The following IRAK3 variants were observed in gnomAD, a reference collection of about 807,000 sequenced individuals.
IRAK3 encodes interleukin 1 receptor associated kinase 3, also known as interleukin-1 receptor-associated kinase 3.
A neutral mutation model predicts 56.6 loss-of-function variants in IRAK3; 57 were observed. The observed-to-expected ratio is 1.01, with a 90% CI of 0.81 to 1.26. IRAK3 has a LOEUF of 1.26. Ranked by LOEUF, IRAK3 falls within the 50% of genes most tolerant of loss-of-function variation. The pLI is 0.00. For missense variants in IRAK3, 703 were observed against 719.0 expected (o/e 0.98, Z 0.25); for synonymous variants, 258 against 255.7 (o/e 1.01, Z -0.09).
At chr12:66,196,253 T>C (rs967494252) in intron 1 of IRAK3, among the ~76,000 whole-genome samples, 1 of 152,120 alleles carries the variant, frequency 6.6e-6, no homozygotes. Context: ...ATATGTACAT[T>C]CTGAATAAAT....
intron 1 of IRAK3, among the ~76,000 whole-genome samples, chr12:66,201,866 G>A (rs1188355634): frequency 2.0e-5 from 3 of 152,132 alleles, no homozygotes; most frequent in Non-Finnish European, 4.4e-5. Context: ...GAATCTAACT[G>A]TATTACGAAT....
chr12:66,196,778 G>T, intron 1 of IRAK3: 2 of 1,210,656 alleles, frequency 1.7e-6, no homozygotes, highest in Non-Finnish European at 2.2e-6. Context: ...TACTCTTTTG[G>T]AATTAAAAAT....
chr12:66,217,917 C>A (rs1393160435), intron 6 of IRAK3, among the ~76,000 whole-genome samples: 1 of 151,980 alleles, frequency 6.6e-6, no homozygotes, highest in Non-Finnish European at 1.5e-5. Context: ...GACCAGAAAT[C>A]AAAATAGTAG....
At position 66,228,374 on chromosome 12, in the gene IRAK3, A is replaced by T; in HGVS notation, c.887+4A>T. 1 of 1,600,598 alleles carries T rather than the reference A, an allele frequency of 6.2e-7. No homozygotes were observed. Reference sequence around the variant, plus strand: ...TCATCTGTGGCAGTATATCAAGGTAAATTATTCCAGAGCTTTTGGTTATAC... The same window carrying T: ...TCATCTGTGGCAGTATATCAAGGTATATTATTCCAGAGCTTTTGGTTATAC... On this transcript the variant is annotated splice_donor_region_variant and intron_variant, in intron 8 of 11. Coordinates refer to ENST00000261233, the MANE Select transcript of IRAK3 (RefSeq NM_007199.3).
At chr12:66,218,487 C>G (rs964625449) in intron 6 of IRAK3, among the ~76,000 whole-genome samples, 1 of 152,240 alleles carries the variant, frequency 6.6e-6, no homozygotes, top group Admixed American at 6.5e-5. Context: ...AAATTGTCCT[C>G]CAATATAAGT....
intron 8 of IRAK3, chr12:66,234,439 T>C (rs2052880424): frequency 6.2e-7 from 1 of 1,611,506 alleles, no homozygotes; most frequent in Non-Finnish European, 8.5e-7. Flanking sequence ...TAATAGAAGT[T>C]TGAGTGATCA....
Position 66,203,747 on chromosome 12 carries a change from A to C in IRAK3, c.170A>C (p.His57Pro). 1 of 1,614,118 alleles carries C rather than the reference A, an allele frequency of 6.2e-7. No individual in the cohort carries two copies. The highest frequency in any genetic ancestry group is 8.5e-7 in the Non-Finnish European group (1 of 1,180,004). ...TCAAGCAGCTGGCTGGATGTTCGTC[A>C]TATTGAAAAGTATGTAGACCAAGGT... Reference protein sequence around the residue: ...RLSSSWLDVRHIEKYVDQGKS... With the variant: ...RLSSSWLDVRPIEKYVDQGKS... Residue 57 changes from histidine to proline, a missense_variant, in exon 2 of 12, where the codon CAT (histidine) becomes CCT (proline). Transcript: ENST00000261233.
In IRAK3 at chr12:66,214,302, T is replaced by G. The variant is rs561731116; in HGVS notation, c.588+2705T>G. ...ACTTTGGGAGGCTGAGGTGGGCGGA[T>G]CACTTGAGGTCAGGAGTTCGAGACC... is the stretch of plus-strand genomic sequence containing the variant. On this transcript the variant is annotated intron_variant, in intron 5 of 11. Transcript: ENST00000261233. 1.1e-4 allele frequency among the ~76,000 whole-genome samples: 16 copies of G among 151,686 alleles called. No individual in the cohort carries two copies. The South Asian group carries it at 3.3e-3, about 32-fold the overall frequency.
intron 6 of IRAK3, among the ~76,000 whole-genome samples, chr12:66,226,508 C>T (rs774956638): frequency 7.2e-5 from 11 of 152,266 alleles, no homozygotes; most frequent in Middle Eastern, 6.8e-3. Flanking sequence ...TCCCACATTG[C>T]TGGGATTACA....
At position 66,244,494 on chromosome 12, in the gene IRAK3, T is replaced by A; in HGVS notation, c.896T>A (p.Ile299Asn). The part of the protein sequence containing the change: ...VICGSISSAN[I>N]LLDDQFQPKL... ...CCTGATCACAATTTTAGTGCAAACA[T>A]CCTTTTGGATGATCAGTTTCAACCC... Residue 299 changes from isoleucine (I) to asparagine (N), a missense_variant, in exon 9 of 12, where the codon ATC becomes AAC. Physicochemically the swap from Ile to Asn is moderately radical, Grantham distance 149 (BLOSUM62 -3). Transcript: ENST00000261233. 1 of 1,614,020 alleles carries A rather than the reference T, an allele frequency of 6.2e-7. No homozygotes were observed. Among genetic ancestry groups the A allele is most frequent in the Non-Finnish European group, 8.5e-7 (1 of 1,179,876 alleles).
intron 1 of IRAK3, among the ~76,000 whole-genome samples, chr12:66,192,991 A>G (rs550764966): frequency 2.6e-4 from 39 of 151,852 alleles, no homozygotes; most frequent in Non-Finnish European, 4.3e-4. Context: ...TTTTAAATAG[A>G]TGTGTTTTTT....
chr12:66,213,426 G>A (rs1010478306), intron 5 of IRAK3, among the ~76,000 whole-genome samples: 1 of 152,184 alleles, frequency 6.6e-6, no homozygotes, highest in Non-Finnish European at 1.5e-5. Context: ...CTTTGGAAAA[G>A]GAGGAACAAT....
rs2052532198 is a variant in IRAK3, at chr12:66,203,856, G to A, written c.279G>A (p.Met93Ile). 6.2e-7 allele frequency: 1 copy of A among 1,613,874 alleles called. No homozygotes were observed. The highest frequency in any genetic ancestry group is 8.5e-7 in the Non-Finnish European group (1 of 1,179,878). ...ACCTTTTACAGGTCCTCCAGGAGAT[G>A]GGACATCGTCGAGCTATTCATTTAA... ...IGDLLQVLQE[M>I]GHRRAIHLIT... Residue 93 changes from methionine to isoleucine, a missense_variant, in exon 2 of 12, where the codon ATG becomes ATA. Physicochemically the swap from Met to Ile is conservative, Grantham distance 10. Coordinates refer to ENST00000261233, the MANE Select transcript of IRAK3 (RefSeq NM_007199.3).
In IRAK3 at chr12:66,189,384, TGCGCTGTTCTGGACAGCTGCGACGGC is replaced by T; in HGVS notation, c.92_117del (p.Val31GlyfsTer20). 6.5e-7 allele frequency: 1 copy of T among 1,527,144 alleles called. No homozygotes were observed. Among genetic ancestry groups the T allele is most frequent in the Non-Finnish European group, 8.7e-7 (1 of 1,142,924 alleles). 94.6% of individuals were successfully genotyped at this position (1,527,144 alleles called of 1,614,324 possible). On this transcript the variant is annotated frameshift_variant, in exon 1 of 12. Coordinates refer to ENST00000261233, the MANE Select transcript of IRAK3 (RefSeq NM_007199.3). LOFTEE classifies it high-confidence loss of function. Reference sequence around the variant, plus strand: ...GCCGCCCGCGCTGCTCGGAGAGCTCTGCGCTGTTCTGGACAGCTGCGACGGCGCGCTGGGCTGGCGCGGCCTGGGTG... The same window carrying T: ...GCCGCCCGCGCTGCTCGGAGAGCTCTGCGCTGGGCTGGCGCGGCCTGGGTG...
chr12:66,244,732 G>A (rs2053009791), intron 9 of IRAK3, 48 bp downstream of exon 9: 6 of 1,499,238 alleles, frequency 4.0e-6, no homozygotes, highest in Non-Finnish European at 3.7e-6. Flanking sequence ...TGCCAAGAAT[G>A]TTCTAGATTC....
chr12:66,239,057 A>C (rs1183634218), intron 8 of IRAK3, among the ~76,000 whole-genome samples: 1 of 152,188 alleles, frequency 6.6e-6, no homozygotes, highest in South Asian at 2.1e-4. Context: ...TTGTTTTCAC[A>C]TTTATGAACT....
At chr12:66,235,542 A>G (rs1033029188) in intron 8 of IRAK3, among the ~76,000 whole-genome samples, 16 of 151,850 alleles carry the variant, frequency 1.1e-4, no homozygotes, top group African/African-American at 3.1e-4. Flanking sequence ...TCTGCGTGCC[A>G]TGGACGGGAG....
rs1444815236 is a variant in IRAK3 at position 66,253,131 on chromosome 12, G to A, written c.*4960G>A. ...ATTTGTAAAATGAATGAATCAAATA[G>A]TCCTTCAAAGCATCTTCAGAATCAA... On this transcript the variant is annotated 3_prime_UTR_variant, in exon 12 of 12. Transcript: ENST00000261233. 3 of 152,178 alleles carry A rather than the reference G, an allele frequency of 2.0e-5. No homozygotes were observed. The highest frequency in any genetic ancestry group is 2.9e-5 in the Non-Finnish European group (2 of 68,026). The allele number at this position is 152,178 out of a possible 1,614,324, so 9.4% of individuals were successfully genotyped here.
chr12:66,242,581 G>T (rs2052981239), intron 8 of IRAK3, among the ~76,000 whole-genome samples: 1 of 152,178 alleles, frequency 6.6e-6, no homozygotes, highest in African/African-American at 2.4e-5. Flanking sequence ...AGAAGGCAAG[G>T]AGAGAAATGA....
Sources: allele counts gnomAD v4.1 joint callset (sites outside exome capture counted in the v4.1 genomes callset), GRCh38; gene constraint gnomAD v4.1.1; transcripts MANE v1.5; gene names NCBI Gene and HGNC (gene_info 2026-07-23, HGNC 2026-07-21).